Variants in IGFL2 observed in about 807,000 individuals in gnomAD.
IGFL2 encodes insulin growth factor-like family member 2.
A neutral mutation model predicts 13.9 loss-of-function variants in IGFL2; 7 were observed. The ratio of observed to expected loss-of-function variants is 0.51; its 90% CI spans 0.29 to 0.95. IGFL2 has a LOEUF of 0.95. Ranked by LOEUF, IGFL2 falls within the 40% of genes least tolerant of loss-of-function variation. The pLI is 0.08. For synonymous variants in IGFL2, 55 were observed against 55.8 expected (o/e 0.99, Z 0.07); for missense variants, 138 against 147.8 (o/e 0.93, Z 0.34).
intron 1 of IGFL2, among the ~76,000 whole-genome samples, chr19:46,151,141 A>T (rs186268077): frequency 4.6e-5 from 7 of 152,272 alleles, no homozygotes; most frequent in Non-Finnish European, 7.4e-5. Context: ...ACTCTTTTAG[A>T]TTCTACATAC....
chr19:46,130,510 T>C, the IGFL2 span, among the ~76,000 whole-genome samples: 7 of 151,942 alleles, frequency 4.6e-5, no homozygotes, highest in Admixed American at 4.6e-4. Context: ...TACATGCTGT[T>C]TATTGAGGTT....
chr19:46,120,455 G>C, the IGFL2 span: 1 of 1,542,510 alleles, frequency 6.5e-7, no homozygotes, highest in East Asian at 2.4e-5. Flanking sequence ...GACTTTAACA[G>C]ACTTGACTGC....
the IGFL2 span, chr19:46,137,362 G>C: frequency 2.7e-6 from 3 of 1,124,664 alleles, no homozygotes; most frequent in South Asian, 3.7e-5. Context: ...ACCAGTTACA[G>C]ACCTGTAGTG....
At chr19:46,148,097 T>C, upstream of IGFL2, 1 of 578,064 alleles carries the variant, frequency 1.7e-6, no homozygotes, top group Non-Finnish European at 3.1e-6. Flanking sequence ...AACATCTTAC[T>C]AAGCTGTTGA....
At chr19:46,088,342 T>G in the IGFL2 span, among the ~76,000 whole-genome samples, 1 of 152,238 alleles carries the variant, frequency 6.6e-6, no homozygotes, top group South Asian at 2.1e-4. Flanking sequence ...CATTGTTTAT[T>G]ATTTAAGATA....
the IGFL2 span, among the ~76,000 whole-genome samples, chr19:46,102,144 T>C: frequency 2.6e-5 from 4 of 152,344 alleles, no homozygotes; most frequent in South Asian, 8.3e-4. Flanking sequence ...CCCTCCAGTG[T>C]GTGATTGTAC....
At chr19:46,189,191 A>G in the IGFL2 span, 2 of 153,032 alleles carry the variant, frequency 1.3e-5, no homozygotes, top group Non-Finnish European at 1.5e-5. Flanking sequence ...CATGTGGGTC[A>G]TGTATCCACT....
chr19:46,114,017 T>A, the IGFL2 span, among the ~76,000 whole-genome samples: 2 of 152,180 alleles, frequency 1.3e-5, no homozygotes, highest in Non-Finnish European at 1.5e-5. Context: ...AACCCACTTT[T>A]CTACAATAAA....
intron 1 of IGFL2, chr19:46,148,828 T>C (rs1292984993): frequency 2.7e-6 from 4 of 1,480,796 alleles, no homozygotes; most frequent in South Asian, 1.4e-5. Context: ...CTTCCAGATA[T>C]TGGACTGTGG....
downstream of IGFL2, among the ~76,000 whole-genome samples, chr19:46,163,671 G>C (rs1478485279): frequency 6.6e-6 from 1 of 152,220 alleles, no homozygotes. Context: ...TCTGTTCATG[G>C]AGTTGCTGAG....
the IGFL2 span, among the ~76,000 whole-genome samples, chr19:46,109,038 C>T: frequency 6.6e-6 from 1 of 152,206 alleles, no homozygotes; most frequent in East Asian, 1.9e-4. Flanking sequence ...GGACAGGGGA[C>T]TGGTCTCCCG....
At chr19:46,088,589 A>G in the IGFL2 span, among the ~76,000 whole-genome samples, 1 of 152,258 alleles carries the variant, frequency 6.6e-6, no homozygotes. Flanking sequence ...ATTGATTTAC[A>G]AAGATTTATT....
chr19:46,178,588 C>G, the IGFL2 span, among the ~76,000 whole-genome samples: 2 of 152,140 alleles, frequency 1.3e-5, no homozygotes, highest in Non-Finnish European at 2.9e-5. Context: ...ATCATCTATT[C>G]TCTCTGAAGC....
At chr19:46,094,018 T>C in the IGFL2 span, among the ~76,000 whole-genome samples, 1 of 149,138 alleles carries the variant, frequency 6.7e-6, no homozygotes, top group Admixed American at 6.8e-5. Context: ...CAAAGCAAAC[T>C]TAACAGCCTT....
the IGFL2 span, among the ~76,000 whole-genome samples, chr19:46,109,843 A>T: frequency 6.6e-6 from 1 of 152,166 alleles, no homozygotes; most frequent in Non-Finnish European, 1.5e-5. Context: ...CAATGGTGGA[A>T]TGTCATCAGT....
At chr19:46,088,767 T>C in the IGFL2 span, among the ~76,000 whole-genome samples, 1 of 152,226 alleles carries the variant, frequency 6.6e-6, no homozygotes, top group African/African-American at 2.4e-5. Flanking sequence ...AGAGCTCTTC[T>C]GGAGTGATCA....
the IGFL2 span, among the ~76,000 whole-genome samples, chr19:46,104,443 T>A: frequency 6.6e-6 from 1 of 152,084 alleles, no homozygotes; most frequent in African/African-American, 2.4e-5. Context: ...GTGATTTGAC[T>A]AATAAAAGCT....
At chr19:46,209,058 C>T in the IGFL2 span, 1 of 152,060 alleles carries the variant, frequency 6.6e-6, no homozygotes, top group Admixed American at 6.5e-5. Context: ...CTTGCTCACC[C>T]TGGGTCATCA....
At chr19:46,134,529 A>G in the IGFL2 span, among the ~76,000 whole-genome samples, 1 of 152,214 alleles carries the variant, frequency 6.6e-6, no homozygotes, top group Admixed American at 6.5e-5. Flanking sequence ...CTGCAGCTAG[A>G]TGGTCTCATC....
Sources: allele counts gnomAD v4.1 joint callset (sites outside exome capture counted in the v4.1 genomes callset), GRCh38; gene constraint gnomAD v4.1.1; transcripts MANE v1.5; gene names NCBI Gene and HGNC (gene_info 2026-07-23, HGNC 2026-07-21).